The following POMT2 variants were observed in gnomAD, a reference collection of about 807,000 sequenced individuals.
The protein encoded by POMT2 is protein O-mannosyltransferase 2.
A neutral mutation model predicts 100.0 loss-of-function variants in POMT2; 75 were observed. The ratio of observed to expected loss-of-function variants is 0.75; its 90% CI spans 0.62 to 0.91. The LOEUF is 0.91. Ranked by LOEUF, POMT2 falls within the 40% of genes least tolerant of loss-of-function variation. The pLI is 0.00. For missense variants in POMT2, 940 were observed against 955.1 expected (o/e 0.98, Z 0.21); for synonymous variants, 378 against 374.1 (o/e 1.01, Z -0.12).
At chr14:77,311,503 GC>G (rs1033262064) in intron 2 of POMT2, among the ~76,000 whole-genome samples, 1 of 152,122 alleles carries the variant, frequency 6.6e-6, no homozygotes, top group African/African-American at 2.4e-5. Context: ...AATCCTCCCT[GC>G]CCTGAGATCC....
At chr14:77,277,996 C>G (rs1323379210) in intron 20 of POMT2, among the ~76,000 whole-genome samples, 1 of 151,942 alleles carries the variant, frequency 6.6e-6, no homozygotes, top group African/African-American at 2.4e-5. Context: ...CCGGTTCCCC[C>G]CTCCCTCACC....
At chr14:77,315,676 T>G (rs1412528492) in intron 1 of POMT2, among the ~76,000 whole-genome samples, 3 of 152,076 alleles carry the variant, frequency 2.0e-5, no homozygotes, top group East Asian at 1.9e-4. Flanking sequence ...AAGAAAAAAA[T>G]CTACATCCCT....
chr14:77,279,228 G>A (rs991033296), intron 18 of POMT2: 5 of 395,876 alleles, frequency 1.3e-5, no homozygotes, highest in Non-Finnish European at 2.4e-5. Context: ...CTAAGGTGAG[G>A]TTACAGGTGA....
chr14:77,284,517 G>A (rs1336284199), intron 14 of POMT2, among the ~76,000 whole-genome samples: 1 of 152,184 alleles, frequency 6.6e-6, no homozygotes, highest in African/African-American at 2.4e-5. Flanking sequence ...ATTGGAGCTT[G>A]GGTGTAGAGA....
chr14:77,278,599 G>T, intron 19 of POMT2, 91 bp from the exon 20 acceptor site: 2 of 1,473,534 alleles, frequency 1.4e-6, no homozygotes, highest in Non-Finnish European at 9.3e-7. Context: ...AAGGAGCAGA[G>T]AGTCACTCCC....
chr14:77,296,874 T>A (rs568174321), intron 8 of POMT2, among the ~76,000 whole-genome samples: 3 of 152,204 alleles, frequency 2.0e-5, no homozygotes, highest in African/African-American at 7.2e-5. Context: ...CCTGCTCCTG[T>A]TTTTCTTTGT....
intron 4 of POMT2, among the ~76,000 whole-genome samples, chr14:77,303,558 C>T (rs372108322): frequency 6.6e-6 from 1 of 152,232 alleles, no homozygotes; most frequent in East Asian, 1.9e-4. Flanking sequence ...CCACGCCAGC[C>T]TTCTTACTGT....
At chr14:77,292,762 ATACT>A (rs1458050499) in intron 9 of POMT2, among the ~76,000 whole-genome samples, 3 of 152,244 alleles carry the variant, frequency 2.0e-5, no homozygotes, top group Admixed American at 1.3e-4. Context: ...GTTAATACAA[ATACT>A]TACCATTGTG....
At chr14:77,300,752 G>A (rs1471802764) in intron 6 of POMT2, 17 of 307,862 alleles carry the variant, frequency 5.5e-5, no homozygotes, top group South Asian at 1.8e-4. Flanking sequence ...CCCAGGAGGC[G>A]GAAGTTGCAG....
intron 2 of POMT2, chr14:77,308,691 G>A: frequency 2.4e-6 from 1 of 422,930 alleles, no homozygotes; most frequent in Non-Finnish European, 4.6e-6. Flanking sequence ...ACCAGTGCTG[G>A]CAATGATGTG....
intron 2 of POMT2, 88 bp downstream of exon 2, chr14:77,311,861 A>G (rs1157851005): frequency 6.5e-7 from 1 of 1,530,716 alleles, no homozygotes; most frequent in Non-Finnish European, 8.8e-7. Context: ...TTCTTTCTAG[A>G]AGCCCCAAAT....
At chr14:77,302,753 C>T (rs1891088597) in intron 5 of POMT2, 82 bp downstream of exon 5, 2 of 1,175,116 alleles carry the variant, frequency 1.7e-6, no homozygotes, top group South Asian at 2.6e-5. Flanking sequence ...TCTCTGGGCA[C>T]CCGCCCTGGC....
Position 77,299,549 on chromosome 14 carries a change from T to G in POMT2, c.829A>C (p.Lys277Gln). ...CACAGGACACGAGCAGTCAGGTGTTTTCCCACAGTCACCTGCAAACAGAGG... is the reference window on the plus strand; with the variant it reads ...CACAGGACACGAGCAGTCAGGTGTTGTCCCACAGTCACCTGCAAACAGAGG... ...DLSLSLVTVG[K>Q]HLTARVLCLI... The change falls in exon 7 of 21, where the codon AAA becomes CAA. Residue 277 changes from lysine to glutamine, a missense_variant. Physicochemically the swap from Lys to Gln is moderately conservative, Grantham distance 53. Transcript: ENST00000261534. 1 of 1,614,118 alleles carries G rather than the reference T, an allele frequency of 6.2e-7. No homozygotes were observed.
intron 2 of POMT2, among the ~76,000 whole-genome samples, chr14:77,310,390 C>A (rs902218604): frequency 6.6e-6 from 1 of 152,190 alleles, no homozygotes; most frequent in African/African-American, 2.4e-5. Flanking sequence ...TGTTCTGAGG[C>A]TTACATGAGA....
intron 20 of POMT2, among the ~76,000 whole-genome samples, chr14:77,278,135 C>T (rs542015617): frequency 6.6e-5 from 10 of 152,312 alleles, no homozygotes; most frequent in South Asian, 2.1e-4. Flanking sequence ...CTTCCAGGTG[C>T]GCTGGGATGG....
At chr14:77,304,473 C>T (rs755191443) in intron 4 of POMT2, among the ~76,000 whole-genome samples, 11 of 152,206 alleles carry the variant, frequency 7.2e-5, no homozygotes, top group Non-Finnish European at 1.2e-4. Flanking sequence ...GGATTACCCA[C>T]GCCGATTCTC....
At chr14:77,295,804 G>A (rs1890808282) in intron 9 of POMT2, among the ~76,000 whole-genome samples, 1 of 152,020 alleles carries the variant, frequency 6.6e-6, no homozygotes, top group Non-Finnish European at 1.5e-5. Context: ...CAGGCACCGT[G>A]CTAGGCAATT....
intron 8 of POMT2, among the ~76,000 whole-genome samples, chr14:77,296,932 AG>A (rs1890853155): frequency 6.6e-6 from 1 of 152,146 alleles, no homozygotes; most frequent in Admixed American, 6.5e-5. Context: ...AAGGTGGAGG[AG>A]GCCTGCCTGT....
At chr14:77,317,358 G>GT (rs1029652290) in intron 1 of POMT2, among the ~76,000 whole-genome samples, 7 of 152,182 alleles carry the variant, frequency 4.6e-5, no homozygotes, top group African/African-American at 1.7e-4. Flanking sequence ...CTGACTCTGT[G>GT]TATACCACTG....
Sources: allele counts gnomAD v4.1 joint callset (sites outside exome capture counted in the v4.1 genomes callset), GRCh38; gene constraint gnomAD v4.1.1; transcripts MANE v1.5; gene names NCBI Gene and HGNC (gene_info 2026-07-23, HGNC 2026-07-21).